SLITRK6: variants seen among roughly 807,000 people sequenced by gnomAD.
The protein encoded by SLITRK6 is SLIT and NTRK-like protein 6.
A neutral mutation model predicts 55.6 loss-of-function variants in SLITRK6; 35 were observed. The ratio of observed to expected loss-of-function variants is 0.63; its 90% CI spans 0.48 to 0.83. The LOEUF (loss-of-function observed/expected upper bound fraction) is 0.83, where lower values mean the gene tolerates loss of function less well. Ranked by LOEUF, SLITRK6 falls within the 40% of genes least tolerant of loss-of-function variation. The pLI, the probability that SLITRK6 is intolerant of heterozygous loss-of-function variation, is 0.00. For missense variants in SLITRK6, 977 were observed against 986.4 expected (o/e 0.99, Z 0.13); for synonymous variants, 392 against 359.6 (o/e 1.09, Z -1.02).
chr13:85,794,961 A>G lies in SLITRK6; in HGVS notation c.1548T>C (p.Asp516=). 2.5e-6 allele frequency: 4 copies of G among 1,613,146 alleles called. No individual in the cohort carries two copies. Among genetic ancestry groups the G allele is most frequent in the Non-Finnish European group, 2.5e-6 (3 of 1,179,494 alleles). ...GGTCACAGGAGCAGTCCCAGGGGTT[A>G]TCCTCAAGGTCAATCTGGGTTAGCA... ...LDLLTQIDLE[D]NPWDCSCDLV... Residue 516 remains aspartate (D), a synonymous_variant, in exon 2 of 2, where the codon GAT becomes GAC. Transcript: ENST00000647374.
In SLITRK6 at chr13:85,795,066, C is replaced by A. The variant is rs1259829864; in HGVS notation, c.1443G>T (p.Gly481=). Residue 481 remains glycine (G), a synonymous_variant, in exon 2 of 2, where the codon GGG becomes GGT. Transcript: ENST00000647374. ...TAAGATTTACCTTAGTTAGAGGAAC[C>A]CCTGAAAAAATATGTGGTGGTAAAA... ...LQVLPPHIFS[G]VPLTKVNLKT... is the part of the protein sequence containing the mutation. 6 of 1,612,760 alleles carry A rather than the reference C, an allele frequency of 3.7e-6. No homozygotes were observed. Among genetic ancestry groups the A allele is most frequent in the Admixed American group, 3.3e-5 (2 of 59,788 alleles).
chr13:85,796,793 CATAA>C (rs1874741360), intron 1 of SLITRK6, among the ~76,000 whole-genome samples: 1 of 150,792 alleles, frequency 6.6e-6, no homozygotes, highest in Non-Finnish European at 1.5e-5. Flanking sequence ...AATATTATAT[CATAA>C]AATTTGTGCT....
At chr13:85,797,890 C>A (rs1874770549) in intron 1 of SLITRK6, among the ~76,000 whole-genome samples, 1 of 151,922 alleles carries the variant, frequency 6.6e-6, no homozygotes, top group Middle Eastern at 3.4e-3. Flanking sequence ...CATCTTATGA[C>A]TATTCAACTT....
At position 85,796,002 on chromosome 13, in the gene SLITRK6, G is replaced by A; in HGVS notation, c.507C>T (p.Asp169=). Residue 169 remains aspartate (D), a synonymous_variant, in exon 2 of 2, where the codon GAC becomes GAT. Transcript: ENST00000647374. ...LNRLKVLILN[D]NAIESLPPNI... The stretch of plus-strand genomic sequence containing the variant: ...TTGGAGGAAGACTCTCAATAGCATT[G>A]TCATTTAAAATTAACACTTTGAGTC... 6.2e-7 allele frequency: 1 copy of A among 1,613,090 alleles called. No homozygotes were observed. The highest frequency in any genetic ancestry group is 1.7e-5 in the Admixed American group (1 of 59,848).
rs758010150 is a variant in SLITRK6, at chr13:85,796,279, G to A, written c.230C>T (p.Thr77Met). The change falls in exon 2 of 2, where the codon ACG becomes ATG. Residue 77 changes from threonine to methionine, a missense_variant. Thr to Met is a moderately conservative substitution (Grantham distance 81). Transcript: ENST00000647374. ...FQLSLLNNGL[T>M]MLHTNDFSGL... ...AGAAAAGTCATTTGTGTGAAGCATCGTCAAGCCGTTATTTAATAAGCTTAG... is the reference window on the plus strand; with the variant it reads ...AGAAAAGTCATTTGTGTGAAGCATCATCAAGCCGTTATTTAATAAGCTTAG... The A allele has an allele frequency of 6.0e-5, 96 of 1,611,642 alleles. No individual in the cohort carries two copies. The highest frequency in any genetic ancestry group is 7.6e-5 in the Non-Finnish European group (90 of 1,178,784).
rs541730934 is a variant in SLITRK6 at position 85,796,630 on chromosome 13, C to T, written c.-24-98G>A. 51 of 965,818 alleles carry T rather than the reference C, an allele frequency of 5.3e-5. No homozygotes were observed. The South Asian group carries it at 1.5e-3, about 29-fold the overall frequency. The allele number at this position is 965,818 out of a possible 1,614,324, so 59.8% of individuals were successfully genotyped here. ...AAATAATAGGTTTTTCTCCAAAAAG[C>T]AAATGACGGATTACCATGAAAATAT... On this transcript the variant is annotated intron_variant, in intron 1 of 1. Transcript: ENST00000647374.
In SLITRK6 at chr13:85,796,046, C is replaced by A; in HGVS notation, c.463G>T (p.Ala155Ser). The A allele has an allele frequency of 6.2e-7, 1 of 1,613,102 alleles. No individual in the cohort carries two copies. The highest frequency in any genetic ancestry group is 8.5e-7 in the Non-Finnish European group (1 of 1,179,486). Reference sequence around the variant, plus strand: ...TTGAGTCTGTTGAGCTTGCTAAAGGCACTTGGTTCAATCACTGTGATAAAA... The same window carrying A: ...TTGAGTCTGTTGAGCTTGCTAAAGGAACTTGGTTCAATCACTGTGATAAAA... ...NNFITVIEPS[A>S]FSKLNRLKVL... Residue 155 changes from alanine to serine, a missense_variant, in exon 2 of 2, where the codon GCC becomes TCC. Ala to Ser is a moderately conservative substitution (Grantham distance 99). Coordinates refer to ENST00000647374, the MANE Select transcript of SLITRK6 (RefSeq NM_032229.3).
rs1403214745 is a variant in SLITRK6 at position 85,795,218 on chromosome 13, A to T, written c.1291T>A (p.Phe431Ile). The T allele has an allele frequency of 5.0e-6, 8 of 1,612,430 alleles. No homozygotes were observed. The East Asian group carries it at 1.8e-4, about 36-fold the overall frequency. ...TATTCAAGATTATGGAGACCAAGGA[A>T]CATGCCTTTACTTAATTTGGTCAGG... Reference protein sequence around the residue: ...NHLTKLSKGMFLGLHNLEYLY... With the variant: ...NHLTKLSKGMILGLHNLEYLY... The change falls in exon 2 of 2, where the codon TTC (phenylalanine) becomes ATC (isoleucine). Residue 431 changes from phenylalanine (F) to isoleucine (I), a missense_variant. Physicochemically the swap from Phe to Ile is conservative, Grantham distance 21 (BLOSUM62 0). Transcript: ENST00000647374.
rs1246591416 is a variant in SLITRK6, at chr13:85,799,312, A to G, written c.-423T>C. ...TCACTCTTGCTTTCTTAGGTTGTAG[A>G]TCCAAGCTACAGCAATGTTCTCCTT... On this transcript the variant is annotated 5_prime_UTR_variant, in exon 1 of 2. Coordinates refer to ENST00000647374, the MANE Select transcript of SLITRK6 (RefSeq NM_032229.3). 6.6e-6 allele frequency: 1 copy of G among 152,038 alleles called. No homozygotes were observed. 9.4% of individuals were successfully genotyped at this position (152,038 alleles called of 1,614,324 possible).
rs571149275 is a variant in SLITRK6 at position 85,795,464 on chromosome 13, C to T, written c.1045G>A (p.Glu349Lys). The T allele has an allele frequency of 6.2e-7, 1 of 1,612,928 alleles. No homozygotes were observed. The highest frequency in any genetic ancestry group is 1.1e-5 in the South Asian group (1 of 91,054). ...TCTGATAAGCTTTCAATGTTGCGCT[C>T]CTGACAATGTATTAGAAGTCCTGAT... is the stretch of plus-strand genomic sequence containing the variant. ...SPSGLLIHCQ[E>K]RNIESLSDLR... Residue 349 changes from glutamate (E) to lysine (K), a missense_variant, in exon 2 of 2, where the codon GAG (glutamate) becomes AAG (lysine). Transcript: ENST00000647374.
In SLITRK6 at chr13:85,795,437, G is replaced by A. The variant is rs763786324; in HGVS notation, c.1072C>T (p.Leu358=). Residue 358 remains leucine, a synonymous_variant, in exon 2 of 2, where the codon CTG becomes TTG. Coordinates refer to ENST00000647374, the MANE Select transcript of SLITRK6 (RefSeq NM_032229.3). ...CTAGGATTTTGCGGAGGAGGTCTCA[G>A]ATCTGATAAGCTTTCAATGTTGCGC... ...QERNIESLSD[L]RPPPQNPRKL... is the part of the protein sequence containing the mutation. 1 of 1,613,022 alleles carries A rather than the reference G, an allele frequency of 6.2e-7. No individual in the cohort carries two copies. The highest frequency in any genetic ancestry group is 1.7e-5 in the Admixed American group (1 of 59,806).
chr13:85,798,082 GC>G (rs1279959609), intron 1 of SLITRK6, among the ~76,000 whole-genome samples: 1 of 151,776 alleles, frequency 6.6e-6, no homozygotes, highest in Non-Finnish European at 1.5e-5. Context: ...TTCCTGAAAG[GC>G]AAAAGGCAAC....
rs1379267826 is a variant in SLITRK6 at position 85,794,878 on chromosome 13, A to G, written c.1631T>C (p.Ile544Thr). 2 of 1,612,912 alleles carry G rather than the reference A, an allele frequency of 1.2e-6. No homozygotes were observed. Among genetic ancestry groups the G allele is most frequent in the African/African-American group, 2.7e-5 (2 of 74,810 alleles). Residue 544 changes from isoleucine to threonine, a missense_variant, in exon 2 of 2, where the codon ATC becomes ACC. By Grantham distance (89) the Ile-to-Thr change is moderately conservative. Coordinates refer to ENST00000647374, the MANE Select transcript of SLITRK6 (RefSeq NM_032229.3). ...KLSKNTVTDD[I>T]LCTSPGHLDK... is the part of the protein sequence containing the mutation. ...GAGATGCCCGGGGGAAGTGCAGAGG[A>G]TGTCATCTGTCACTGTGTTCTTGCT...
Position 85,795,046 on chromosome 13 carries a change from T to C in SLITRK6, c.1463A>G (p.Asn488Ser), listed in dbSNP as rs768657166. The change falls in exon 2 of 2, where the codon AAT (asparagine) becomes AGT (serine). Residue 488 changes from asparagine (N) to serine (S), a missense_variant. Transcript: ENST00000647374. ...IFSGVPLTKV[N>S]LKTNQFTHLP... ...ATGGGTAAACTGGTTTGTTTTAAGATTTACCTTAGTTAGAGGAACCCCTGA... is the reference window on the plus strand; with the variant it reads ...ATGGGTAAACTGGTTTGTTTTAAGACTTACCTTAGTTAGAGGAACCCCTGA... 9 of 1,612,848 alleles carry C rather than the reference T, an allele frequency of 5.6e-6. No individual in the cohort carries two copies. In the East Asian group the frequency reaches 8.9e-5, roughly 16 times the overall value.
In SLITRK6 at chr13:85,796,229, G is replaced by A; in HGVS notation, c.280C>T (p.His94Tyr). The change falls in exon 2 of 2, where the codon CAC (histidine) becomes TAC (tyrosine). Residue 94 changes from histidine (H) to tyrosine (Y), a missense_variant. Transcript: ENST00000647374. ...FSGLTNAISI[H>Y]LGFNNIADIE... is the part of the protein sequence containing the mutation. ...TCTGCAATATTGTTAAATCCAAGGTGTATTGAAATAGCATTGGTAAGCCCA... is the reference window on the plus strand; with the variant it reads ...TCTGCAATATTGTTAAATCCAAGGTATATTGAAATAGCATTGGTAAGCCCA... 1 of 1,612,984 alleles carries A rather than the reference G, an allele frequency of 6.2e-7. No individual in the cohort carries two copies. The highest frequency in any genetic ancestry group is 1.3e-5 in the African/African-American group (1 of 74,954).
In SLITRK6 at chr13:85,794,612, G is replaced by C. The variant is rs746179335; in HGVS notation, c.1897C>G (p.Leu633Val). The change falls in exon 2 of 2, where the codon CTT becomes GTT. Residue 633 changes from leucine (L) to valine (V), a missense_variant. By Grantham distance (32) the Leu-to-Val change is conservative (BLOSUM62 1). Coordinates refer to ENST00000647374, the MANE Select transcript of SLITRK6 (RefSeq NM_032229.3). ...FCAAGIVVLVLHRRRRYKKKQ... is the reference protein window; with the variant it reads ...FCAAGIVVLVVHRRRRYKKKQ... ...TTTTTGTATCTTCTCCTGCGGTGAA[G>C]AACAAGAACCACTATCCCTGCAGCA... The C allele has an allele frequency of 1.9e-6, 3 of 1,613,146 alleles. No homozygotes were observed. Among genetic ancestry groups the C allele is most frequent in the East Asian group, 4.5e-5 (2 of 44,820 alleles).
At chr13:85,798,225 T>A (rs1874779878) in intron 1 of SLITRK6, among the ~76,000 whole-genome samples, 1 of 151,902 alleles carries the variant, frequency 6.6e-6, no homozygotes, top group Non-Finnish European at 1.5e-5. Flanking sequence ...GTAGTTGGAG[T>A]CTTCAACTTG....
rs768167755 is a variant in SLITRK6, at chr13:85,794,205, T to G, written c.2304A>C (p.Gln768His). 3.7e-5 allele frequency: 60 copies of G among 1,612,760 alleles called. No individual in the cohort carries two copies. The highest frequency in any genetic ancestry group is 1.0e-4 in the Admixed American group (6 of 59,794). ...TCCTTAGGTATTCTGTGATTCCCAG[T>G]TGCTGAAGTTCCCTTTCTTTTTCTA... ...NILEKERELQQLGITEYLRKN... is the reference protein window; with the variant it reads ...NILEKERELQHLGITEYLRKN... Residue 768 changes from glutamine (Q) to histidine (H), a missense_variant, in exon 2 of 2, where the codon CAA (glutamine) becomes CAC (histidine). Physicochemically the swap from Gln to His is conservative, Grantham distance 24 (BLOSUM62 0). Transcript: ENST00000647374.
rs914989036 is a variant in SLITRK6 at position 85,793,899 on chromosome 13, C to G, written c.*84G>C. 23 of 1,446,930 alleles carry G rather than the reference C, an allele frequency of 1.6e-5. No individual in the cohort carries two copies. The highest frequency in any genetic ancestry group is 2.1e-5 in the Non-Finnish European group (23 of 1,081,620). 89.6% of individuals were successfully genotyped at this position (1,446,930 alleles called of 1,614,324 possible). A position where few individuals can be genotyped will look rare whatever the true frequency, so the allele number is the denominator to read the frequency against. ...GCTGTGCTTAGGTTCTGATTGATGACACACTCACGTAAGGCACTTATTTAC... is the reference window on the plus strand; with the variant it reads ...GCTGTGCTTAGGTTCTGATTGATGAGACACTCACGTAAGGCACTTATTTAC... On this transcript the variant is annotated 3_prime_UTR_variant, in exon 2 of 2. Coordinates refer to ENST00000647374, the MANE Select transcript of SLITRK6 (RefSeq NM_032229.3).
Sources: gnomAD v4.1 joint callset for allele counts (sites outside exome capture counted in the v4.1 genomes callset) on GRCh38, gnomAD v4.1.1 for gene constraint, MANE v1.5 for transcripts, NCBI Gene and HGNC (gene_info 2026-07-23, HGNC 2026-07-21) for gene names.